Variants in PREX2 observed in about 807,000 individuals in gnomAD.
PREX2 encodes the protein phosphatidylinositol-3,4,5-trisphosphate dependent Rac exchange factor 2.
In PREX2, 107 loss-of-function variants were observed where a neutral mutation model predicts 203.2. The ratio of observed to expected loss-of-function variants is 0.53; its 90% confidence interval spans 0.45 to 0.62. The LOEUF (loss-of-function observed/expected upper bound fraction) is 0.62, where lower values mean the gene tolerates loss of function less well. PREX2 is among the 20% of genes least tolerant of loss of function. PREX2 has a pLI of 0.00. For synonymous variants in PREX2, 672 were observed against 663.6 expected (o/e 1.01, Z -0.19); for missense variants, 1,777 against 1,955.9 (o/e 0.91, Z 1.72).
chr8:68,056,917 G>T (rs1198358722), intron 10 of PREX2, among the ~76,000 whole-genome samples: 1 of 152,118 alleles, frequency 6.6e-6, no homozygotes, highest in African/African-American at 2.4e-5. Context: ...TGGAGATGAT[G>T]GTAGAGTTTA....
chr8:67,996,274 C>T (rs1806762254), intron 1 of PREX2, among the ~76,000 whole-genome samples: 1 of 152,094 alleles, frequency 6.6e-6, no homozygotes, highest in African/African-American at 2.4e-5. Flanking sequence ...CAGCTCACTG[C>T]AGCCTCAACC....
intron 8 of PREX2, among the ~76,000 whole-genome samples, chr8:68,047,075 G>A (rs577316065): frequency 6.6e-6 from 1 of 152,122 alleles, no homozygotes; most frequent in South Asian, 2.1e-4. Context: ...CCATGTACAT[G>A]TTTTGTGACA....
At chr8:67,960,220 T>G (rs1273332175) in intron 1 of PREX2, among the ~76,000 whole-genome samples, 1 of 151,968 alleles carries the variant, frequency 6.6e-6, no homozygotes, top group East Asian at 1.9e-4. Context: ...TTTTTCTAAT[T>G]TAGTAGAGAC....
At position 67,972,402 on chromosome 8, in the gene PREX2, T is replaced by G. The variant is rs139591246; in HGVS notation, c.141+19867T>G. 8.2e-3 allele frequency among the ~76,000 whole-genome samples: 1,244 copies of G among 152,378 alleles called. 14 individuals carry two copies. The highest frequency in any genetic ancestry group is 0.028 in the African/African-American group (1,165 of 41,598). On this transcript the variant is annotated intron_variant, in intron 1 of 39. Coordinates refer to ENST00000288368, the MANE Select transcript of PREX2 (RefSeq NM_024870.4). ...CTCATTGCCTCTTGCAGCTCCTGTG[T>G]AAATTCTGTCCCAAAGCTTTCAGGT...
At chr8:68,112,885 C>G (rs941144767) in intron 25 of PREX2, among the ~76,000 whole-genome samples, 3 of 152,234 alleles carry the variant, frequency 2.0e-5, no homozygotes, top group African/African-American at 4.8e-5. Context: ...GACTTAGCAT[C>G]GTGACTGTCA....
chr8:68,034,418 A>T (rs1807973854), intron 6 of PREX2, among the ~76,000 whole-genome samples: 1 of 152,178 alleles, frequency 6.6e-6, no homozygotes, highest in African/African-American at 2.4e-5. Flanking sequence ...CTTTGGAGCT[A>T]TACTGAAGTA....
intron 7 of PREX2, among the ~76,000 whole-genome samples, chr8:68,041,073 T>G (rs1808182062): frequency 6.6e-6 from 1 of 152,182 alleles, no homozygotes; most frequent in Non-Finnish European, 1.5e-5. Flanking sequence ...TTCCTGAGCC[T>G]TTATGTACTT....
At chr8:68,191,215 G>A (rs1026043904) in intron 35 of PREX2, among the ~76,000 whole-genome samples, 4 of 152,176 alleles carry the variant, frequency 2.6e-5, no homozygotes, top group African/African-American at 9.7e-5. Context: ...GTGCTGGAAA[G>A]AATCGCCTCA....
chr8:68,227,548 A>G (rs1377579761), intron 39 of PREX2, among the ~76,000 whole-genome samples: 3 of 152,312 alleles, frequency 2.0e-5, no homozygotes, highest in South Asian at 2.1e-4. Flanking sequence ...CTATAGTCCT[A>G]TGAGTCTTCG....
intron 37 of PREX2, among the ~76,000 whole-genome samples, chr8:68,203,464 A>T (rs1278229599): frequency 6.6e-6 from 1 of 152,142 alleles, no homozygotes; most frequent in Non-Finnish European, 1.5e-5. Flanking sequence ...TGGAAAAACA[A>T]ATGTGGAGGT....
At chr8:68,045,423 C>T (rs1340138708) in intron 8 of PREX2, among the ~76,000 whole-genome samples, 1 of 152,086 alleles carries the variant, frequency 6.6e-6, no homozygotes, top group Non-Finnish European at 1.5e-5. Context: ...CTCCACCTCT[C>T]ACATACCTTC....
At chr8:68,120,741 A>T (rs1236038328) in intron 29 of PREX2, among the ~76,000 whole-genome samples, 180 bp from the exon 30 acceptor site, 1 of 152,188 alleles carries the variant, frequency 6.6e-6, no homozygotes, top group Non-Finnish European at 1.5e-5. Context: ...AACATTTATA[A>T]GAAAATAACA....
Position 68,097,002 on chromosome 8 carries a change from T to A in PREX2, c.2369-15T>A. ...CCTTCATGAATTTACTGAGTTACAG[T>A]TGTCTTTGTTCCAGAGGTTATTGAC... is the stretch of plus-strand genomic sequence containing the variant. On this transcript the variant is annotated splice_polypyrimidine_tract_variant and intron_variant, in intron 21 of 39. Coordinates refer to ENST00000288368, the MANE Select transcript of PREX2 (RefSeq NM_024870.4). The A allele has an allele frequency of 2.5e-6, 4 of 1,604,954 alleles. No individual in the cohort carries two copies. The highest frequency in any genetic ancestry group is 3.4e-6 in the Non-Finnish European group (4 of 1,172,652).
chr8:68,230,703 TCTC>T (rs1310266245), intron 39 of PREX2, among the ~76,000 whole-genome samples: 4 of 152,134 alleles, frequency 2.6e-5, no homozygotes, highest in African/African-American at 9.7e-5. Flanking sequence ...TTTCCAGGCA[TCTC>T]CATGGTTTAA....
At chr8:67,989,281 A>G (rs947675029) in intron 1 of PREX2, among the ~76,000 whole-genome samples, 44 of 152,180 alleles carry the variant, frequency 2.9e-4, no homozygotes, top group African/African-American at 1.0e-3. Flanking sequence ...TCCTTATAAT[A>G]GTTTTTTCGA....
chr8:68,047,496 TATATATATATACAC>T (rs1229093212), intron 8 of PREX2, among the ~76,000 whole-genome samples: 3,679 of 75,652 alleles, frequency 0.049, 95 homozygotes, highest in African/African-American at 0.14. Flanking sequence ...TATATATATA[TATATATATATACAC>T]ATACATATAT....
Position 68,109,604 on chromosome 8 carries a change from T to A in PREX2, c.3127T>A (p.Cys1043Ser), listed in dbSNP as rs140442441. 6.2e-7 allele frequency: 1 copy of A among 1,613,902 alleles called. No homozygotes were observed. The change falls in exon 25 of 40, where the codon TGT becomes AGT. Residue 1043 changes from cysteine (C) to serine (S), a missense_variant. By Grantham distance (112) the Cys-to-Ser change is moderately radical. Coordinates refer to ENST00000288368, the MANE Select transcript of PREX2 (RefSeq NM_024870.4). ...LQTALKEVEM[C>S]VCQIDDLLSS... is the part of the protein sequence containing the mutation. Reference sequence around the variant, plus strand: ...GACTGCACTGAAAGAGGTGGAGATGTGTGTTTGTCAAATAGATGAGTAAGT... The same window carrying A: ...GACTGCACTGAAAGAGGTGGAGATGAGTGTTTGTCAAATAGATGAGTAAGT...
intron 1 of PREX2, among the ~76,000 whole-genome samples, chr8:67,962,571 T>A (rs1318765874): frequency 2.0e-5 from 3 of 150,530 alleles, no homozygotes; most frequent in Non-Finnish European, 3.0e-5. Flanking sequence ...TTTCTATAAT[T>A]TTATATATAA....
intron 8 of PREX2, among the ~76,000 whole-genome samples, chr8:68,046,943 A>G (rs185871260): frequency 1.5e-3 from 235 of 152,172 alleles, no homozygotes; most frequent in African/African-American, 5.5e-3. Flanking sequence ...CTTGGTGATC[A>G]ATTAATGTAC....
Sources: gnomAD v4.1 joint callset for allele counts (sites outside exome capture counted in the v4.1 genomes callset) on GRCh38, gnomAD v4.1.1 for gene constraint, MANE v1.5 for transcripts, NCBI Gene and HGNC (gene_info 2026-07-23, HGNC 2026-07-21) for gene names.